Variants in CCDC134 observed in about 807,000 individuals in gnomAD.
CCDC134 encodes coiled-coil domain containing 134.
A neutral mutation model predicts 25.6 loss-of-function variants in CCDC134; 27 were observed. That is an observed-to-expected ratio of 1.05 (90% CI 0.78 to 1.45). The LOEUF is 1.45. CCDC134 is among the 40% of genes most tolerant of loss of function. The pLI is 0.00. For synonymous variants in CCDC134, 110 were observed against 115.0 expected, an observed-to-expected ratio of 0.96 and a Z score of 0.28; for missense variants, 261 against 286.7, an observed-to-expected ratio of 0.91 and a Z score of 0.65.
In CCDC134 at chr22:41,827,871, G is replaced by A. The variant is rs1277253689; in HGVS notation, c.*2048G>A. Among the ~76,000 whole-genome samples, 1 of 152,222 alleles carries A rather than the reference G, an allele frequency of 6.6e-6. No individual in the cohort carries two copies. The highest frequency in any genetic ancestry group is 2.4e-5 in the African/African-American group (1 of 41,456). On this transcript the variant is annotated 3_prime_UTR_variant, in exon 7 of 7. Transcript: ENST00000255784. ...AAGCTCTTCCCTGCCGGAAGGACCA[G>A]GCCAGTCGCTGTCCTTTTCATGCTA...
intron 1 of CCDC134, among the ~76,000 whole-genome samples, chr22:41,804,257 G>A (rs2076557605): frequency 6.6e-6 from 1 of 152,194 alleles, no homozygotes; most frequent in African/African-American, 2.4e-5. Context: ...AATGTCTCTG[G>A]TTATGGCATT....
intron 6 of CCDC134, among the ~76,000 whole-genome samples, chr22:41,819,474 G>C (rs990784299): frequency 3.9e-5 from 6 of 152,208 alleles, no homozygotes; most frequent in African/African-American, 1.4e-4. Flanking sequence ...CTTATGCAAA[G>C]GCTCAGATGC....
At position 41,813,308 on chromosome 22, in the gene CCDC134, G is replaced by A. The variant is rs766947091; in HGVS notation, c.355G>A (p.Val119Met). Residue 119 changes from valine to methionine, a missense_variant, in exon 5 of 7, where the codon GTG becomes ATG. By Grantham distance (21) the Val-to-Met change is conservative. Transcript: ENST00000255784. Reference sequence around the variant, plus strand: ...GAACACGGCCTTCTTCGGCGATGTGGTGCTGCGCTTCCCGAGGATTGTGCA... The same window carrying A: ...GAACACGGCCTTCTTCGGCGATGTGATGCTGCGCTTCCCGAGGATTGTGCA... Reference protein sequence around the residue: ...VENTAFFGDVVLRFPRIVHYY... With the variant: ...VENTAFFGDVMLRFPRIVHYY... 6 of 1,614,078 alleles carry A rather than the reference G, an allele frequency of 3.7e-6. No individual in the cohort carries two copies. The East Asian group carries it at 1.3e-4, about 36-fold the overall frequency.
Position 41,808,965 on chromosome 22 carries a change from G to A in CCDC134, c.75G>A (p.Arg25=). The stretch of plus-strand genomic sequence containing the variant: ...GGATGGGAGCCACAGGCACCTTGAG[G>A]ACCTCCCTGGACCCAAGCCTGGAGA... ...LSGMGATGTL[R]TSLDPSLEIY... is the part of the protein sequence containing the mutation. The change falls in exon 2 of 7, where the codon AGG becomes AGA. Residue 25 remains arginine (R), a synonymous_variant. Transcript: ENST00000255784. The A allele has an allele frequency of 6.2e-7, 1 of 1,614,068 alleles. No individual in the cohort carries two copies. Among genetic ancestry groups the A allele is most frequent in the Non-Finnish European group, 8.5e-7 (1 of 1,179,988 alleles).
At chr22:41,819,984 T>TATATATATAC (rs2148317714) in intron 6 of CCDC134, among the ~76,000 whole-genome samples, 1 of 136,228 alleles carries the variant, frequency 7.3e-6, no homozygotes, top group South Asian at 2.2e-4. Context: ...TATATATATA[T>TATATATATAC]ATATATATAT....
intron 1 of CCDC134, among the ~76,000 whole-genome samples, chr22:41,806,845 A>G (rs546411531): frequency 2.0e-5 from 3 of 152,114 alleles, no homozygotes; most frequent in South Asian, 4.2e-4. Context: ...TCAGTAGTTC[A>G]AGACCAGCCT....
chr22:41,803,985 T>C (rs2076556095), intron 1 of CCDC134, among the ~76,000 whole-genome samples: 2 of 151,442 alleles, frequency 1.3e-5, no homozygotes, highest in Admixed American at 1.3e-4. Context: ...CAAAAAAAAT[T>C]ACCCGGGCGT....
intron 5 of CCDC134, 151 bp from the exon 6 acceptor site, chr22:41,813,600 G>T (rs1602239710): frequency 8.5e-7 from 1 of 1,172,530 alleles, no homozygotes; most frequent in East Asian, 2.4e-5. Flanking sequence ...CCCATTTCAA[G>T]GGATTCTGTG....
chr22:41,818,838 G>A (rs1169852404), intron 6 of CCDC134, among the ~76,000 whole-genome samples: 1 of 152,222 alleles, frequency 6.6e-6, no homozygotes, highest in African/African-American at 2.4e-5. Context: ...CAAGGCCATG[G>A]CAGATTGCCT....
At chr22:41,801,802 TA>T (rs1407031680) in intron 1 of CCDC134, among the ~76,000 whole-genome samples, 1 of 152,126 alleles carries the variant, frequency 6.6e-6, no homozygotes, top group East Asian at 1.9e-4. Context: ...TGAGAGACTC[TA>T]AAAAAATGAT....
In CCDC134 at chr22:41,830,098, A is replaced by G. The variant is rs2076698280; in HGVS notation, c.*4275A>G. 6.6e-6 allele frequency among the ~76,000 whole-genome samples: 1 copy of G among 152,204 alleles called. No homozygotes were observed. Among genetic ancestry groups the G allele is most frequent in the Admixed American group, 6.5e-5 (1 of 15,284 alleles). Reference sequence around the variant, plus strand: ...CCATCTCTTTTCAGATGAAGAGCTCAGGTTCTGAGGAGTGACTTGTCAAAA... The same window carrying G: ...CCATCTCTTTTCAGATGAAGAGCTCGGGTTCTGAGGAGTGACTTGTCAAAA... On this transcript the variant is annotated 3_prime_UTR_variant, in exon 7 of 7. Transcript: ENST00000255784.
At chr22:41,818,099 G>A (rs2076631589) in intron 6 of CCDC134, among the ~76,000 whole-genome samples, 1 of 152,170 alleles carries the variant, frequency 6.6e-6, no homozygotes, top group Admixed American at 6.5e-5. Context: ...ACAGAGAAAA[G>A]ATACAAAGCA....
At chr22:41,818,938 C>T (rs994292475) in intron 6 of CCDC134, among the ~76,000 whole-genome samples, 2 of 152,170 alleles carry the variant, frequency 1.3e-5, no homozygotes, top group African/African-American at 4.8e-5. Flanking sequence ...CACTTAAACG[C>T]AGGAGGAGGG....
At position 41,828,229 on chromosome 22, in the gene CCDC134, T is replaced by C. The variant is rs751287814; in HGVS notation, c.*2406T>C. ...AGCCTGGGCTGTCTCTTGCCAGCTG[T>C]TGTTATCAGAACCAGGCTCTTCACA... On this transcript the variant is annotated 3_prime_UTR_variant, in exon 7 of 7. Coordinates refer to ENST00000255784, the MANE Select transcript of CCDC134 (RefSeq NM_024821.5). Among the ~76,000 whole-genome samples, 14 of 152,140 alleles carry C rather than the reference T, an allele frequency of 9.2e-5. No homozygotes were observed. The highest frequency in any genetic ancestry group is 1.3e-4 in the Non-Finnish European group (9 of 68,030).
At chr22:41,817,877 G>A (rs2076630423) in intron 6 of CCDC134, among the ~76,000 whole-genome samples, 1 of 152,178 alleles carries the variant, frequency 6.6e-6, no homozygotes, top group Admixed American at 6.5e-5. Flanking sequence ...AGGAAGGAGT[G>A]TCATCCAAGC....
Position 41,826,470 on chromosome 22 carries a change from T to C in CCDC134, c.*647T>C, listed in dbSNP as rs150841972. 3.6e-3 allele frequency among the ~76,000 whole-genome samples: 545 copies of C among 152,300 alleles called. 1 individual carries two copies. Among genetic ancestry groups the C allele is most frequent in the Non-Finnish European group, 6.1e-3 (414 of 67,996 alleles). On this transcript the variant is annotated 3_prime_UTR_variant, in exon 7 of 7. Transcript: ENST00000255784. ...CGCCATCACTGCCCTTGACAAATGA[T>C]TGGTGTTGGGAAAGGACCTGGAAGT...
chr22:41,820,388 C>T (rs1025440728), intron 6 of CCDC134, among the ~76,000 whole-genome samples: 1 of 152,074 alleles, frequency 6.6e-6, no homozygotes, highest in Non-Finnish European at 1.5e-5. Context: ...CAACCTCCGC[C>T]TCCCAGATTC....
chr22:41,812,962 C>T (rs146395021), intron 4 of CCDC134, among the ~76,000 whole-genome samples: 8 of 152,280 alleles, frequency 5.3e-5, no homozygotes, highest in South Asian at 2.1e-4. Flanking sequence ...TTTGGGCTGA[C>T]GGACCTGGGT....
Position 41,829,610 on chromosome 22 carries a change from A to G in CCDC134, c.*3787A>G, listed in dbSNP as rs2148325458. ...ATCCTGAAAGATTAGGGGAAGAGGA[A>G]GAAAAGGACAGGTGCTGTGGGAAAA... On this transcript the variant is annotated 3_prime_UTR_variant, in exon 7 of 7. Transcript: ENST00000255784. Among the ~76,000 whole-genome samples the G allele has an allele frequency of 6.6e-6, 1 of 152,308 alleles. No individual in the cohort carries two copies. Among genetic ancestry groups the G allele is most frequent in the East Asian group, 1.9e-4 (1 of 5,174 alleles).
Sources: allele counts gnomAD v4.1 joint callset (sites outside exome capture counted in the v4.1 genomes callset), GRCh38; gene constraint gnomAD v4.1.1; transcripts MANE v1.5; gene names NCBI Gene and HGNC (gene_info 2026-07-23, HGNC 2026-07-21).